FUT9: variants seen among roughly 807,000 people sequenced by gnomAD.
The protein encoded by FUT9 is fucosyltransferase 9.
In FUT9, 15 loss-of-function variants were observed where a neutral mutation model predicts 29.7. That is an observed-to-expected ratio of 0.51 (90% CI 0.34 to 0.78). The LOEUF is 0.78. Among genes scored for constraint, FUT9 ranks in the 30% least tolerant of loss-of-function variants. The probability of loss-of-function intolerance (pLI) is 0.01; values close to 1 mark genes in which losing one functional copy is unlikely to be tolerated. For synonymous variants in FUT9, 169 were observed against 153.7 expected, an observed-to-expected ratio of 1.10 and a Z score of -0.74; for missense variants, 319 against 425.4, an observed-to-expected ratio of 0.75 and a Z score of 2.20.
chr6:96,137,178 A>G (rs1023408654), intron 2 of FUT9, among the ~76,000 whole-genome samples: 5 of 152,034 alleles, frequency 3.3e-5, no homozygotes, highest in Non-Finnish European at 5.9e-5. Context: ...AGTGTTTTAA[A>G]AAGCAAAAGA....
chr6:96,061,299 C>CTTATTTTTTTTTTT, intron 1 of FUT9, among the ~76,000 whole-genome samples: 1 of 147,020 alleles, frequency 6.8e-6, no homozygotes, highest in Non-Finnish European at 1.5e-5. Flanking sequence ...TCTCAAGATA[C>CTTATTTTTTTTTTT]TTCTTAGGCT....
chr6:96,067,465 T>C (rs1315934029), intron 1 of FUT9, among the ~76,000 whole-genome samples: 1 of 152,134 alleles, frequency 6.6e-6, no homozygotes, highest in Non-Finnish European at 1.5e-5. Flanking sequence ...TCACACCTGA[T>C]CGTATCAGAG....
intron 2 of FUT9, among the ~76,000 whole-genome samples, chr6:96,131,275 T>G (rs572479754): frequency 1.3e-5 from 2 of 152,250 alleles, no homozygotes; most frequent in Admixed American, 1.3e-4. Context: ...TTCTGAAAAT[T>G]CAACTATCTA....
chr6:96,116,440 A>G (rs1771912819), intron 2 of FUT9, among the ~76,000 whole-genome samples: 1 of 152,214 alleles, frequency 6.6e-6, no homozygotes, highest in Non-Finnish European at 1.5e-5. Context: ...TATTTACCCA[A>G]GTGAATTGAA....
At chr6:96,024,833 C>T (rs1193986340) in intron 1 of FUT9, among the ~76,000 whole-genome samples, 2 of 151,700 alleles carry the variant, frequency 1.3e-5, no homozygotes, top group African/African-American at 4.8e-5. Flanking sequence ...ATTAAGAGCC[C>T]AAATACTAGT....
intron 1 of FUT9, among the ~76,000 whole-genome samples, chr6:96,059,700 T>C (rs2127943070): frequency 6.6e-6 from 1 of 152,314 alleles, no homozygotes; most frequent in East Asian, 1.9e-4. Context: ...TTAGTGCTTG[T>C]TTTGAATTTA....
At chr6:96,145,220 G>A (rs1341042734) in intron 2 of FUT9, among the ~76,000 whole-genome samples, 1 of 152,000 alleles carries the variant, frequency 6.6e-6, no homozygotes, top group African/African-American at 2.4e-5. Flanking sequence ...GCCAATCCCA[G>A]ATAATTTTTT....
intron 1 of FUT9, among the ~76,000 whole-genome samples, chr6:96,018,335 A>G (rs879760429): frequency 1.3e-5 from 2 of 152,196 alleles, no homozygotes; most frequent in African/African-American, 2.4e-5. Flanking sequence ...ATTAAAGTCA[A>G]TGTATTCTAA....
At chr6:96,018,725 A>G (rs1562097892) in intron 1 of FUT9, among the ~76,000 whole-genome samples, 1 of 152,070 alleles carries the variant, frequency 6.6e-6, no homozygotes, top group Non-Finnish European at 1.5e-5. Flanking sequence ...TTCCATCAAC[A>G]AGTTGCCATT....
intron 2 of FUT9, among the ~76,000 whole-genome samples, chr6:96,153,591 G>A (rs1212384654): frequency 6.6e-6 from 1 of 152,080 alleles, no homozygotes; most frequent in Non-Finnish European, 1.5e-5. Flanking sequence ...CTGCTACAAT[G>A]GTATCTGAAT....
chr6:96,028,521 A>G (rs1307773118), intron 1 of FUT9, among the ~76,000 whole-genome samples: 1 of 151,640 alleles, frequency 6.6e-6, no homozygotes, highest in Non-Finnish European at 1.5e-5. Context: ...ATTTTGCTTA[A>G]TTATTTTGAA....
intron 2 of FUT9, among the ~76,000 whole-genome samples, chr6:96,118,242 A>T (rs1362542631): frequency 6.6e-6 from 1 of 151,664 alleles, no homozygotes; most frequent in Non-Finnish European, 1.5e-5. Context: ...GGACTGGGAA[A>T]TCATTATTGC....
chr6:96,166,774 T>C (rs1420789751), intron 2 of FUT9, among the ~76,000 whole-genome samples: 2 of 152,138 alleles, frequency 1.3e-5, no homozygotes, highest in African/African-American at 4.8e-5. Flanking sequence ...TGTAAAATGG[T>C]ATAGTTTTTG....
chr6:96,055,855 C>T (rs555274997), intron 1 of FUT9, among the ~76,000 whole-genome samples: 65 of 151,792 alleles, frequency 4.3e-4, no homozygotes, highest in Middle Eastern at 3.4e-3. Context: ...GGACTCTAGA[C>T]ATTTGAAAAG....
At chr6:96,182,931 T>C (rs1309991141) in intron 2 of FUT9, among the ~76,000 whole-genome samples, 7 of 152,108 alleles carry the variant, frequency 4.6e-5, no homozygotes, top group African/African-American at 1.7e-4. Context: ...AGACTCTTTT[T>C]TGGATTCATA....
chr6:96,095,443 T>C (rs548090813), intron 1 of FUT9, among the ~76,000 whole-genome samples: 25 of 152,280 alleles, frequency 1.6e-4, no homozygotes, highest in Admixed American at 5.9e-4. Flanking sequence ...CCATTCACCA[T>C]AGCTTTTCCT....
chr6:96,044,849 T>C lies in FUT9; in HGVS notation c.-98+28637T>C, dbSNP rs552836470. Among the ~76,000 whole-genome samples the C allele has an allele frequency of 1.1e-4, 16 of 152,354 alleles. No individual in the cohort carries two copies. The South Asian group carries it at 3.1e-3, about 30-fold the overall frequency. On this transcript the variant is annotated intron_variant, in intron 1 of 2. Transcript: ENST00000302103. ...TAAATTAATCATTTTAATTAAGTAA[T>C]GATGACAGGCTTAGTGTAAGTGAAT...
intron 2 of FUT9, among the ~76,000 whole-genome samples, chr6:96,124,159 T>G (rs1021634607): frequency 3.3e-5 from 5 of 149,456 alleles, no homozygotes; most frequent in African/African-American, 1.2e-4. Flanking sequence ...TTTTCTTTTT[T>G]TTTTTTTTTT....
At chr6:96,176,101 C>T (rs551691362) in intron 2 of FUT9, among the ~76,000 whole-genome samples, 66 of 152,298 alleles carry the variant, frequency 4.3e-4, no homozygotes, top group African/African-American at 1.3e-3. Flanking sequence ...CCAGGGCTTG[C>T]GCCCCTTCCC....
Sources: gnomAD v4.1 joint callset for allele counts (sites outside exome capture counted in the v4.1 genomes callset) on GRCh38, gnomAD v4.1.1 for gene constraint, MANE v1.5 for transcripts, NCBI Gene and HGNC (gene_info 2026-07-23, HGNC 2026-07-21) for gene names.